FXR1: variants seen among roughly 807,000 people sequenced by gnomAD.
FXR1 encodes the protein RNA-binding protein FXR1.
Under a neutral mutation model 84.0 loss-of-function variants are expected in FXR1, and 15 were observed. The observed-to-expected ratio is 0.18, with a 90% CI of 0.12 to 0.27. The LOEUF is 0.27. Ranked by LOEUF, FXR1 falls within the 10% of genes least tolerant of loss-of-function variation. The pLI, the probability that FXR1 is intolerant of heterozygous loss-of-function variation, is 1.00. For missense variants in FXR1, 480 were observed against 774.4 expected (o/e 0.62, Z 4.51); for synonymous variants, 245 against 250.7 (o/e 0.98, Z 0.21).
intron 10 of FXR1, 48 bp from the exon 11 acceptor site, chr3:180,961,420 C>T (rs756245420): frequency 3.4e-6 from 3 of 891,080 alleles, no homozygotes; most frequent in Admixed American, 2.0e-5. Context: ...TAGGCTAGAA[C>T]TTTGTTAAAA....
At chr3:180,926,178 A>G (rs1045909266) in intron 1 of FXR1, among the ~76,000 whole-genome samples, 1 of 152,168 alleles carries the variant, frequency 6.6e-6, no homozygotes, top group Non-Finnish European at 1.5e-5. Flanking sequence ...GAAAAATAAA[A>G]TGTTTAAATT....
At chr3:180,953,036 G>T (rs1312479702) in intron 8 of FXR1, among the ~76,000 whole-genome samples, 1 of 152,062 alleles carries the variant, frequency 6.6e-6, no homozygotes, top group South Asian at 2.1e-4. Flanking sequence ...AGAGATGGAG[G>T]TTTCCTATGT....
At chr3:180,953,564 T>G (rs769760840) in intron 8 of FXR1, among the ~76,000 whole-genome samples, 198 bp from the exon 9 acceptor site, 2 of 152,214 alleles carry the variant, frequency 1.3e-5, no homozygotes, top group Non-Finnish European at 2.9e-5. Context: ...CTGACTGATT[T>G]GGGGTTTTTA....
At chr3:180,922,448 C>CT (rs1201407667) in intron 1 of FXR1, among the ~76,000 whole-genome samples, 13 of 152,024 alleles carry the variant, frequency 8.6e-5, no homozygotes, top group Non-Finnish European at 1.5e-5. Flanking sequence ...TAAGACTTGC[C>CT]TTTGTTTGCC....
chr3:180,952,933 A>G (rs1303044792), intron 8 of FXR1, among the ~76,000 whole-genome samples: 1 of 151,490 alleles, frequency 6.6e-6, no homozygotes, highest in Non-Finnish European at 1.5e-5. Flanking sequence ...CCTGGGCTCA[A>G]GCCATCCTCT....
At position 180,919,370 on chromosome 3, in the gene FXR1, C is replaced by G. The variant is rs575314862; in HGVS notation, c.51+6634C>G. Among the ~76,000 whole-genome samples the G allele has an allele frequency of 8.1e-5, 12 of 147,716 alleles. No individual in the cohort carries two copies. In the South Asian group the frequency reaches 2.4e-3, roughly 29 times the overall value. On this transcript the variant is annotated intron_variant, in intron 1 of 16. Transcript: ENST00000357559. The stretch of plus-strand genomic sequence containing the variant: ...CACTATCTCGGGTCATTGCAACTTC[C>G]GCCTCCTGGGTTCACGTGATTCTCA...
intron 1 of FXR1, among the ~76,000 whole-genome samples, chr3:180,923,480 A>G (rs985351503): frequency 2.0e-5 from 3 of 150,990 alleles, no homozygotes; most frequent in South Asian, 4.2e-4. Context: ...CAGTGAAACC[A>G]CTGTATTGTA....
intron 3 of FXR1, among the ~76,000 whole-genome samples, chr3:180,946,883 A>G (rs1001805441): frequency 2.6e-5 from 4 of 152,268 alleles, no homozygotes; most frequent in East Asian, 1.9e-4. Context: ...GTTTCTTCTC[A>G]GCCCCCCTTT....
Position 180,976,527 on chromosome 3 carries a change from T to TA in FXR1, c.*243dup, listed in dbSNP as rs553066805. On this transcript the variant is annotated 3_prime_UTR_variant, in exon 17 of 17. Transcript: ENST00000357559. ...GCCTTGAGAATAGTATATGTAACAT[T>TA]AAAAAAAAGTTGCTGGCTATAGGAA... 31 of 153,850 alleles carry TA rather than the reference T, an allele frequency of 2.0e-4. No individual in the cohort carries two copies. Among genetic ancestry groups the TA allele is most frequent in the South Asian group, 4.6e-4 (2 of 4,356 alleles). The allele number at this position is 153,850 out of a possible 1,614,324, so 9.5% of individuals were successfully genotyped here.
At chr3:180,946,421 A>G (rs754083927) in intron 3 of FXR1, among the ~76,000 whole-genome samples, 2 of 152,146 alleles carry the variant, frequency 1.3e-5, no homozygotes, top group Non-Finnish European at 2.9e-5. Flanking sequence ...GTGGATACAT[A>G]TAATAATTAC....
intron 1 of FXR1, chr3:180,914,926 A>G: frequency 1.0e-6 from 1 of 985,022 alleles, no homozygotes; most frequent in Non-Finnish European, 1.2e-6. Context: ...GGTCTTCAGA[A>G]CTCTGGAAGA....
chr3:180,935,329 T>TGCCACCCA lies in FXR1; in HGVS notation c.198+98_198+99insGCCACCCA. ...CTTAGTTGATGGAGGATAAATCTAATTCATTTTCTCTATTCTTTCTATTGG... is the reference window on the plus strand; with the variant it reads ...CTTAGTTGATGGAGGATAAATCTAATGCCACCCATCATTTTCTCTATTCTTTCTATTGG... On this transcript the variant is annotated intron_variant, in intron 3 of 16. Coordinates refer to ENST00000357559, the MANE Select transcript of FXR1 (RefSeq NM_005087.4). 3 of 637,156 alleles carry TGCCACCCA rather than the reference T, an allele frequency of 4.7e-6. No homozygotes were observed. The South Asian group carries it at 5.9e-5, about 13-fold the overall frequency. 39.5% of individuals were successfully genotyped at this position (637,156 alleles called of 1,614,324 possible). A position where few individuals can be genotyped will look rare whatever the true frequency, so the allele number is the denominator to read the frequency against.
At chr3:180,974,582 C>G (rs1577011837) in intron 15 of FXR1, among the ~76,000 whole-genome samples, 2 of 152,196 alleles carry the variant, frequency 1.3e-5, no homozygotes, top group Admixed American at 1.3e-4. Flanking sequence ...TCCTAATCCA[C>G]TACTGCCACT....
At chr3:180,921,813 A>G (rs7340625) in intron 1 of FXR1, among the ~76,000 whole-genome samples, 1,610 of 152,318 alleles carry the variant, frequency 0.011, 36 homozygotes, top group African/African-American at 0.037. Flanking sequence ...TATGATATAA[A>G]AACTTAGTCT....
At chr3:180,926,506 A>ATATATATATATATATATATATTTTTTTTT (rs72192827) in intron 1 of FXR1, among the ~76,000 whole-genome samples, 2 of 124,394 alleles carry the variant, frequency 1.6e-5, no homozygotes, top group African/African-American at 5.8e-5. Context: ...ATATATATAT[A>ATATATATATATATATATATATTTTTTTTT]TTTTTTTTTC....
At chr3:180,914,779 C>A in intron 1 of FXR1, 1 of 978,300 alleles carries the variant, frequency 1.0e-6, no homozygotes, top group Non-Finnish European at 1.2e-6. Context: ...TTTTGCCTCA[C>A]AAAGTGAGTT....
At chr3:180,919,158 C>G (rs1174752188) in intron 1 of FXR1, among the ~76,000 whole-genome samples, 1 of 151,894 alleles carries the variant, frequency 6.6e-6, no homozygotes, top group Non-Finnish European at 1.5e-5. Context: ...ATAGTAGCCA[C>G]CAGCCATGGA....
Position 180,982,517 on chromosome 3 carries a change from T to A in FXR1, c.*6225T>A, listed in dbSNP as rs1259233177. 6.6e-6 allele frequency: 1 copy of A among 152,180 alleles called. No homozygotes were observed. Among genetic ancestry groups the A allele is most frequent in the Non-Finnish European group, 1.5e-5 (1 of 68,002 alleles). The allele number at this position is 152,180 out of a possible 1,614,324, so 9.4% of individuals were successfully genotyped here. A position where few individuals can be genotyped will look rare whatever the true frequency, so the allele number is the denominator to read the frequency against. ...GTATTTTTAAGTGGTTTCCATTGTCTTAACACCTGTCTTAAAACGGGTATG... is the reference window on the plus strand; with the variant it reads ...GTATTTTTAAGTGGTTTCCATTGTCATAACACCTGTCTTAAAACGGGTATG... On this transcript the variant is annotated 3_prime_UTR_variant, in exon 17 of 17. Coordinates refer to ENST00000357559, the MANE Select transcript of FXR1 (RefSeq NM_005087.4).
At chr3:180,971,057 T>G in intron 15 of FXR1, 3 of 1,123,696 alleles carry the variant, frequency 2.7e-6, no homozygotes, top group Non-Finnish European at 2.3e-6. Flanking sequence ...TAGTTCATGG[T>G]AAACTTTGCA....
Sources: allele counts gnomAD v4.1 joint callset (sites outside exome capture counted in the v4.1 genomes callset), GRCh38; gene constraint gnomAD v4.1.1; transcripts MANE v1.5; gene names NCBI Gene and HGNC (gene_info 2026-07-23, HGNC 2026-07-21).